TJP2: variants seen among roughly 807,000 people sequenced by gnomAD.
The protein encoded by TJP2 is Friedreich ataxia region gene X104 (tight junction protein ZO-2).
A neutral mutation model predicts 133.1 loss-of-function variants in TJP2; 91 were observed. The observed-to-expected ratio is 0.68, with a 90% CI of 0.58 to 0.81. The LOEUF is 0.81. Among genes scored for constraint, TJP2 ranks in the 40% least tolerant of loss-of-function variants. The pLI, the probability that TJP2 is intolerant of heterozygous loss-of-function variation, is 0.00. For missense variants in TJP2, 1,541 were observed against 1,565.6 expected (o/e 0.98, Z 0.26); for synonymous variants, 592 against 583.4 (o/e 1.01, Z -0.21).
Position 69,227,775 on chromosome 9 carries a change from A to C in TJP2, c.1221A>C (p.Glu407Asp), listed in dbSNP as rs747339528. 1 of 1,605,484 alleles carries C rather than the reference A, an allele frequency of 6.2e-7. No homozygotes were observed. The highest frequency in any genetic ancestry group is 8.5e-7 in the Non-Finnish European group (1 of 1,172,780). ...TATTTTTGAAACTAGATATTTCAGA[A>C]ATAGAGTCAAACCGATCATTTTCTC... ...DSDSEIEDIS[E>D]IESNRSFSPE... Residue 407 changes from glutamate (E) to aspartate (D), a missense_variant, in exon 8 of 23, where the codon GAA becomes GAC. Physicochemically the swap from Glu to Asp is conservative, Grantham distance 45. Coordinates refer to ENST00000377245, the MANE Select transcript of TJP2 (RefSeq NM_004817.4).
At position 69,248,983 on chromosome 9, in the gene TJP2, A is replaced by G. The variant is rs568223836; in HGVS notation, c.2881-392A>G. 3.0e-6 allele frequency: 3 copies of G among 993,342 alleles called. No homozygotes were observed. In the East Asian group the frequency reaches 3.3e-4, roughly 109 times the overall value. 61.5% of individuals were successfully genotyped at this position (993,342 alleles called of 1,614,324 possible). A position where few individuals can be genotyped will look rare whatever the true frequency, so the allele number is the denominator to read the frequency against. The stretch of plus-strand genomic sequence containing the variant: ...AAATAGAACTACCAAAAAAAAAAAA[A>G]AAAAAAAGTTCAACAACAACAAACT... On this transcript the variant is annotated intron_variant, in intron 19 of 22. Transcript: ENST00000377245.
rs57114714 is a variant in TJP2 at position 69,223,069 on chromosome 9, G to GAAAAAAAA, written c.952+1588_952+1595dup. ...GGGTGACAGAGCGAGACTCTGTCTTGAAAAAAAAAAAAAAAAAAAAAAGAA... is the reference window on the plus strand; with the variant it reads ...GGGTGACAGAGCGAGACTCTGTCTTGAAAAAAAAAAAAAAAAAAAAAAAAAAAAAAGAA... On this transcript the variant is annotated intron_variant, in intron 5 of 22. Coordinates refer to ENST00000377245, the MANE Select transcript of TJP2 (RefSeq NM_004817.4). 4.8e-3 allele frequency among the ~76,000 whole-genome samples: 544 copies of GAAAAAAAA among 114,014 alleles called. 11 individuals are homozygous for GAAAAAAAA. Among genetic ancestry groups the GAAAAAAAA allele is most frequent in the African/African-American group, 0.016 (526 of 32,588 alleles). The allele number at this position is 114,014 out of a possible 152,430, so 74.8% of individuals were successfully genotyped here.
Position 69,189,691 on chromosome 9 carries a change from A to G in TJP2, c.60+15259A>G, listed in dbSNP as rs1356972474. On this transcript the variant is annotated intron_variant, in intron 1 of 22. Coordinates refer to ENST00000377245, the MANE Select transcript of TJP2 (RefSeq NM_004817.4). Reference sequence around the variant, plus strand: ...AAAAAAAAAAAGACAAAGAAAAAGGAAAGTTGATTTTTGGTTCTAACTCAG... The same window carrying G: ...AAAAAAAAAAAGACAAAGAAAAAGGGAAGTTGATTTTTGGTTCTAACTCAG... Among the ~76,000 whole-genome samples, 2 of 49,034 alleles carry G rather than the reference A, an allele frequency of 4.1e-5. 1 individual carries two copies. Among genetic ancestry groups the G allele is most frequent in the Non-Finnish European group, 1.0e-4 (2 of 19,970 alleles). 32.2% of individuals were successfully genotyped at this position (49,034 alleles called of 152,430 possible). A position where few individuals can be genotyped will look rare whatever the true frequency, so the allele number is the denominator to read the frequency against.
intron 2 of TJP2, among the ~76,000 whole-genome samples, chr9:69,161,991 C>G (rs533260410): frequency 6.7e-6 from 1 of 149,996 alleles, no homozygotes; most frequent in Non-Finnish European, 1.5e-5. Flanking sequence ...TTGCAGTGAA[C>G]CAAGATCATG....
chr9:69,241,898 T>C (rs933322931), intron 17 of TJP2, among the ~76,000 whole-genome samples: 8 of 152,348 alleles, frequency 5.3e-5, no homozygotes, highest in African/African-American at 1.7e-4. Context: ...GGTCACGTAA[T>C]GCAGCCCTTC....
Position 69,141,683 on chromosome 9 carries a change from C to G in TJP2, c.-130-9968C>G, listed in dbSNP as rs111880739. 5.8e-4 allele frequency among the ~76,000 whole-genome samples: 88 copies of G among 152,296 alleles called. 1 individual carries two copies. The highest frequency in any genetic ancestry group is 2.1e-3 in the African/African-American group (88 of 41,570). ...CTTGGCTCACTGCAACCTCCACCTC[C>G]TGGTTCAAGCGATTCTTATGCCTCA... On this transcript the variant is annotated intron_variant, in intron 1 of 5. Coordinates refer to the TJP2 transcript ENST00000423935.
At position 69,249,392 on chromosome 9, in the gene TJP2, C is replaced by T. The variant is rs1241035017; in HGVS notation, c.2898C>T (p.Ser966=). 6.2e-7 allele frequency: 1 copy of T among 1,610,434 alleles called. No homozygotes were observed. Among genetic ancestry groups the T allele is most frequent in the Admixed American group, 1.7e-5 (1 of 59,678 alleles). Reference sequence around the variant, plus strand: ...TCTTGTAGAGCATAAGGAAACCCAGCCCAGAGCCACGAGCTCAGATGAGGA... The same window carrying T: ...TCTTGTAGAGCATAAGGAAACCCAGTCCAGAGCCACGAGCTCAGATGAGGA... ...VQHEESIRKP[S]PEPRAQMRRA... The change falls in exon 20 of 23, where the codon AGC becomes AGT. Residue 966 remains serine, a synonymous_variant. Coordinates refer to ENST00000377245, the MANE Select transcript of TJP2 (RefSeq NM_004817.4).
intron 2 of TJP2, among the ~76,000 whole-genome samples, chr9:69,157,470 G>GT (rs71354319): frequency 0.38 from 55,863 of 145,142 alleles, 10,643 homozygotes; most frequent in African/African-American, 0.41. Context: ...TGCAGAGTTG[G>GT]TTTTTTTTTT....
chr9:69,212,902 CTGTT>C (rs1424279570), intron 2 of TJP2, among the ~76,000 whole-genome samples: 1 of 49,208 alleles, frequency 2.0e-5, no homozygotes, highest in Non-Finnish European at 5.9e-5. Flanking sequence ...ATGACCTGTA[CTGTT>C]TAAGGATGTG....
intron 22 of TJP2, chr9:69,253,821 C>A: frequency 3.4e-6 from 1 of 297,386 alleles, no homozygotes; most frequent in Non-Finnish European, 6.6e-6. Context: ...TCTTCTTTAC[C>A]AGCTGAGTGG....
chr9:69,244,504 C>T (rs1830792635), intron 17 of TJP2, among the ~76,000 whole-genome samples: 1 of 152,160 alleles, frequency 6.6e-6, no homozygotes, highest in Non-Finnish European at 1.5e-5. Context: ...GCTGAGTCAG[C>T]ATCCTTTCAG....
chr9:69,122,191 CT>C (rs1203451251), intron 1 of TJP2: 1 of 152,264 alleles, frequency 6.6e-6, no homozygotes, highest in Admixed American at 6.5e-5. Context: ...CTGAGCTTCT[CT>C]TTTACCCGAT....
chr9:69,230,193 G>A lies in TJP2; in HGVS notation c.1632G>A (p.Ala544=), dbSNP rs760460350. The A allele has an allele frequency of 1.7e-5, 28 of 1,614,150 alleles. No homozygotes were observed. The highest frequency in any genetic ancestry group is 2.0e-5 in the Non-Finnish European group (24 of 1,180,014). ...FVAGIQEGTS[A]EQEGLQEGDQ... ...CTGGCATTCAAGAAGGGACCTCGGC[G>A]GAGCAGGAGGGCCTTCAAGAAGGAG... Residue 544 remains alanine (A), a synonymous_variant, in exon 11 of 23, where the codon GCG becomes GCA. Transcript: ENST00000377245.
chr9:69,248,005 C>T lies in TJP2; in HGVS notation c.2668-7C>T. Reference sequence around the variant, plus strand: ...CCCCACTGACCGTCCAACACAAATTCCTCTAGATGGAAGGGATGGATGATG... The same window carrying T: ...CCCCACTGACCGTCCAACACAAATTTCTCTAGATGGAAGGGATGGATGATG... On this transcript the variant is annotated splice_region_variant and splice_polypyrimidine_tract_variant and intron_variant, in intron 18 of 22. Coordinates refer to ENST00000377245, the MANE Select transcript of TJP2 (RefSeq NM_004817.4). The T allele has an allele frequency of 6.3e-7, 1 of 1,592,102 alleles. No homozygotes were observed. Among genetic ancestry groups the T allele is most frequent in the Non-Finnish European group, 8.6e-7 (1 of 1,166,900 alleles).
intron 1 of TJP2, among the ~76,000 whole-genome samples, chr9:69,196,294 C>T (rs1588026661): frequency 6.6e-6 from 1 of 152,184 alleles, no homozygotes; most frequent in East Asian, 1.9e-4. Context: ...CTTGTATGAC[C>T]TCAATCAACT....
rs375438084 is a variant in TJP2 at position 69,151,756 on chromosome 9, C to T, written c.-25C>T. ...GGAAGCACAGAGCTGTACCAGTACACGGCCCACGTTGCCAGGTATTTGCTT... is the reference window on the plus strand; with the variant it reads ...GGAAGCACAGAGCTGTACCAGTACATGGCCCACGTTGCCAGGTATTTGCTT... On this transcript the variant is annotated 5_prime_UTR_variant, in exon 2 of 6. Coordinates refer to the TJP2 transcript ENST00000423935. The T allele has an allele frequency of 2.2e-4, 272 of 1,232,130 alleles. 1 individual carries two copies. In the South Asian group the frequency reaches 5.9e-3, roughly 27 times the overall value. 76.3% of individuals were successfully genotyped at this position (1,232,130 alleles called of 1,614,324 possible).
In TJP2 at chr9:69,226,046, A is replaced by G. The variant is rs1829319692; in HGVS notation, c.1081A>G (p.Met361Val). 6.2e-7 allele frequency: 1 copy of G among 1,614,076 alleles called. No individual in the cohort carries two copies. The highest frequency in any genetic ancestry group is 1.7e-5 in the Admixed American group (1 of 60,012). ...LKINGTVTEN[M>V]SLTDARKLIE... ...GATCAATGGGACTGTAACTGAGAAC[A>G]TGTCTTTAACGGATGCTCGAAAATT... Residue 361 changes from methionine (M) to valine (V), a missense_variant, in exon 7 of 23, where the codon ATG becomes GTG. Met to Val is a conservative substitution (Grantham distance 21, BLOSUM62 1). Transcript: ENST00000377245.
chr9:69,187,450 T>A (rs1218752662), intron 1 of TJP2, among the ~76,000 whole-genome samples: 1 of 152,256 alleles, frequency 6.6e-6, no homozygotes, highest in Non-Finnish European at 1.5e-5. Context: ...GTCTCTTTCG[T>A]CTGTTCCAAT....
chr9:69,188,603 CAT>C (rs1206176100), intron 1 of TJP2, among the ~76,000 whole-genome samples: 7 of 152,206 alleles, frequency 4.6e-5, no homozygotes, highest in Admixed American at 2.0e-4. Flanking sequence ...GTAAAAGTAA[CAT>C]ATCAATGTTG....
Sources: allele counts gnomAD v4.1 joint callset (sites outside exome capture counted in the v4.1 genomes callset), GRCh38; gene constraint gnomAD v4.1.1; transcripts MANE v1.5; gene names NCBI Gene and HGNC (gene_info 2026-07-23, HGNC 2026-07-21).